RBFOX1: variants seen among roughly 807,000 people sequenced by gnomAD.
The protein encoded by RBFOX1 is RNA binding protein fox-1 homolog 1.
A neutral mutation model predicts 57.7 loss-of-function variants in RBFOX1; 8 were observed. The observed-to-expected ratio is 0.14, with a 90% CI of 0.08 to 0.25. The LOEUF (loss-of-function observed/expected upper bound fraction) is 0.25, where lower values mean the gene tolerates loss of function less well. Among genes scored for constraint, RBFOX1 ranks in the 10% least tolerant of loss-of-function variants. The pLI, the probability that RBFOX1 is intolerant of heterozygous loss-of-function variation, is 1.00. For missense variants in RBFOX1, 611 were observed against 548.5 expected (o/e 1.11, Z -1.14); for synonymous variants, 326 against 222.4 (o/e 1.47, Z -4.15).
chr16:5,850,405 G>C (rs980369036), intron 3 of RBFOX1, among the ~76,000 whole-genome samples: 17 of 152,158 alleles, frequency 1.1e-4, no homozygotes, highest in African/African-American at 3.9e-4. Flanking sequence ...CCATTCTTTG[G>C]AATTATTTAG....
intron 2 of RBFOX1, among the ~76,000 whole-genome samples, chr16:6,434,125 G>A (rs1038753477): frequency 6.6e-6 from 1 of 152,020 alleles, no homozygotes; most frequent in Non-Finnish European, 1.5e-5. Flanking sequence ...TGAGGTTACG[G>A]GTGTGAGCCA....
chr16:5,535,961 C>T (rs2044676695), intron 2 of RBFOX1, among the ~76,000 whole-genome samples: 3 of 152,116 alleles, frequency 2.0e-5, no homozygotes, highest in African/African-American at 7.2e-5. Context: ...AAGTTTTGAT[C>T]TTTCCGATGA....
intron 4 of RBFOX1, among the ~76,000 whole-genome samples, chr16:5,948,180 T>C (rs981624012): frequency 2.0e-5 from 3 of 152,124 alleles, no homozygotes; most frequent in Admixed American, 6.5e-5. Flanking sequence ...CTGTTTGCTA[T>C]AGAGGGGAGG....
chr16:7,402,588 T>C (rs2098263485), intron 4 of RBFOX1, among the ~76,000 whole-genome samples: 2 of 152,186 alleles, frequency 1.3e-5, no homozygotes, highest in South Asian at 2.1e-4. Flanking sequence ...TATTCCTTGG[T>C]TTCCAGATCC....
chr16:6,193,394 A>ATATATATATATATATAC (rs2097157297), intron 1 of RBFOX1, among the ~76,000 whole-genome samples: 1 of 24,552 alleles, frequency 4.1e-5, no homozygotes, highest in African/African-American at 1.6e-4. Context: ...TATATATACT[A>ATATATATATATATATAC]TATATATATA....
intron 4 of RBFOX1, among the ~76,000 whole-genome samples, chr16:7,065,326 A>C (rs2055699544): frequency 6.6e-6 from 1 of 151,916 alleles, no homozygotes; most frequent in African/African-American, 2.4e-5. Context: ...TGCTTTCTTC[A>C]GGTGCACGTC....
Position 6,927,133 on chromosome 16 carries a change from G to A in RBFOX1, c.-15-124924G>A, listed in dbSNP as rs566520106. On this transcript the variant is annotated intron_variant, in intron 3 of 15. Coordinates refer to ENST00000550418, the MANE Select transcript of RBFOX1 (RefSeq NM_018723.4). ...CCCCCAGAGGGTTTGATCCCCTAGAGACTTAGAGGGTCCCCACCCTCAGAA... is the reference window on the plus strand; with the variant it reads ...CCCCCAGAGGGTTTGATCCCCTAGAAACTTAGAGGGTCCCCACCCTCAGAA... 3.3e-5 allele frequency among the ~76,000 whole-genome samples: 5 copies of A among 152,156 alleles called. No homozygotes were observed. In the South Asian group the frequency reaches 8.3e-4, roughly 25 times the overall value.
intron 4 of RBFOX1, chr16:7,333,045 C>T (rs756903625): frequency 9.9e-6 from 16 of 1,613,916 alleles, no homozygotes; most frequent in Non-Finnish European, 1.4e-5. Context: ...TATGGCGTGC[C>T]TATGATTGTA....
At chr16:7,265,970 T>TG (rs1285988257) in intron 4 of RBFOX1, among the ~76,000 whole-genome samples, 1 of 134,262 alleles carries the variant, frequency 7.4e-6, no homozygotes, top group Non-Finnish European at 1.6e-5. Flanking sequence ...TTTTGTTTTT[T>TG]TTTTTTTTTT....
At chr16:5,419,156 G>C (rs2067242130) in intron 1 of RBFOX1, among the ~76,000 whole-genome samples, 1 of 152,138 alleles carries the variant, frequency 6.6e-6, no homozygotes, top group African/African-American at 2.4e-5. Flanking sequence ...CTCTGTATTA[G>C]GGTTCTCTAG....
intron 2 of RBFOX1, among the ~76,000 whole-genome samples, chr16:5,541,599 C>T (rs896147200): frequency 6.6e-6 from 1 of 152,152 alleles, no homozygotes; most frequent in African/African-American, 2.4e-5. Context: ...GCGTTTATCT[C>T]AGCGAGCAGA....
At chr16:7,479,620 A>T (rs2063472655) in intron 4 of RBFOX1, among the ~76,000 whole-genome samples, 1 of 152,202 alleles carries the variant, frequency 6.6e-6, no homozygotes, top group Non-Finnish European at 1.5e-5. Context: ...ACCACAGCTC[A>T]GAGATGGAAG....
chr16:7,696,737 T>C (rs1377707390), intron 14 of RBFOX1, among the ~76,000 whole-genome samples: 2 of 152,102 alleles, frequency 1.3e-5, no homozygotes, highest in Admixed American at 6.5e-5. Flanking sequence ...CTTACTGTAA[T>C]GAATCAAAAA....
chr16:6,215,546 C>G (rs1431277392), intron 1 of RBFOX1, among the ~76,000 whole-genome samples: 1 of 152,064 alleles, frequency 6.6e-6, no homozygotes, highest in East Asian at 1.9e-4. Context: ...AACGCTCCCC[C>G]AAATCCCTTG....
intron 4 of RBFOX1, among the ~76,000 whole-genome samples, chr16:7,156,906 C>T (rs928849788): frequency 2.0e-5 from 3 of 152,010 alleles, no homozygotes; most frequent in African/African-American, 7.2e-5. Flanking sequence ...AAGTTTTATC[C>T]GTTTACATTC....
intron 3 of RBFOX1, among the ~76,000 whole-genome samples, chr16:5,663,644 C>T (rs900663098): frequency 6.6e-6 from 1 of 152,182 alleles, no homozygotes; most frequent in African/African-American, 2.4e-5. Context: ...TAGCCAGCAG[C>T]TGTAAAGCCC....
chr16:7,239,939 A>C (rs574793980), intron 4 of RBFOX1, among the ~76,000 whole-genome samples: 2 of 152,154 alleles, frequency 1.3e-5, no homozygotes, highest in African/African-American at 4.8e-5. Flanking sequence ...TCAAATTCCA[A>C]AACTTCCTAC....
intron 3 of RBFOX1, among the ~76,000 whole-genome samples, chr16:6,868,959 A>T (rs1355990597): frequency 6.6e-6 from 1 of 152,160 alleles, no homozygotes; most frequent in African/African-American, 2.4e-5. Context: ...TTTTGGATAC[A>T]TGAGGTGAGA....
At chr16:5,736,912 T>A (rs776904514) in intron 3 of RBFOX1, among the ~76,000 whole-genome samples, 1 of 136,896 alleles carries the variant, frequency 7.3e-6, no homozygotes, top group Non-Finnish European at 1.5e-5. Flanking sequence ...TCCGTCTCTC[T>A]CCCCCTCCCT....
Sources: gnomAD v4.1 joint callset for allele counts (sites outside exome capture counted in the v4.1 genomes callset) on GRCh38, gnomAD v4.1.1 for gene constraint, MANE v1.5 for transcripts, NCBI Gene and HGNC (gene_info 2026-07-23, HGNC 2026-07-21) for gene names.